CENPP: variants seen among roughly 807,000 people sequenced by gnomAD.
CENPP encodes centromere protein P.
In CENPP, 24 loss-of-function variants were observed where a neutral mutation model predicts 35.6. That is an observed-to-expected ratio of 0.67 (90% confidence interval 0.49 to 0.95). CENPP has a LOEUF of 0.95. Ranked by LOEUF, CENPP falls within the 40% of genes least tolerant of loss-of-function variation. CENPP has a pLI of 0.00. For synonymous variants in CENPP, 120 were observed against 125.5 expected, an observed-to-expected ratio of 0.96 and a Z score of 0.29; for missense variants, 332 against 345.3, an observed-to-expected ratio of 0.96 and a Z score of 0.31.
At position 92,386,086 on chromosome 9, in the gene CENPP, G is replaced by C. The variant is rs548590107; in HGVS notation, c.564+6227G>C. On this transcript the variant is annotated intron_variant, in intron 5 of 7. Coordinates refer to ENST00000375587, the MANE Select transcript of CENPP (RefSeq NM_001012267.3). ...TGATAGGCAGACATTTAGCTATCAC[G>C]CTACTACAGTGATCTAACCAAAATT... 5.4e-6 allele frequency: 4 copies of C among 747,306 alleles called. No homozygotes were observed. In the African/African-American group the frequency reaches 7.1e-5, roughly 13 times the overall value. 46.3% of individuals were successfully genotyped at this position (747,306 alleles called of 1,614,324 possible).
At chr9:92,547,962 G>GA (rs1424154749) in intron 5 of CENPP, among the ~76,000 whole-genome samples, 2 of 152,012 alleles carry the variant, frequency 1.3e-5, no homozygotes, top group African/African-American at 4.8e-5. Context: ...TTTCTTATGG[G>GA]AAAAAAGAAG....
chr9:92,528,259 C>T (rs1214423591), intron 5 of CENPP, among the ~76,000 whole-genome samples: 1 of 152,152 alleles, frequency 6.6e-6, no homozygotes, highest in Non-Finnish European at 1.5e-5. Context: ...AAATCAAATG[C>T]CCGGAGAGAC....
At chr9:92,532,501 G>A (rs1168755971) in intron 5 of CENPP, among the ~76,000 whole-genome samples, 1 of 151,704 alleles carries the variant, frequency 6.6e-6, no homozygotes, top group Non-Finnish European at 1.5e-5. Flanking sequence ...TGTCTTTAAT[G>A]TCACTTTCCC....
chr9:92,450,392 A>G (rs1844674048), intron 5 of CENPP, among the ~76,000 whole-genome samples: 1 of 151,852 alleles, frequency 6.6e-6, no homozygotes, highest in African/African-American at 2.4e-5. Flanking sequence ...GATGATTTCC[A>G]GTTTCATCCA....
At chr9:92,601,638 C>T (rs377334428) in intron 5 of CENPP, among the ~76,000 whole-genome samples, 15 of 152,184 alleles carry the variant, frequency 9.9e-5, no homozygotes, top group African/African-American at 3.1e-4. Context: ...TAAATGACTG[C>T]GTTGTGTCAG....
At chr9:92,460,584 T>A (rs1429899299) in intron 5 of CENPP, 2 of 1,403,460 alleles carry the variant, frequency 1.4e-6, no homozygotes, top group East Asian at 4.6e-5. Flanking sequence ...AGAAGAGAAA[T>A]ATATATGTTA....
chr9:92,412,913 G>A (rs1428674292), intron 5 of CENPP, among the ~76,000 whole-genome samples: 1 of 147,080 alleles, frequency 6.8e-6, no homozygotes, highest in African/African-American at 2.5e-5. Context: ...GTGTGAACAT[G>A]TGTGTTCAGT....
intron 5 of CENPP, among the ~76,000 whole-genome samples, chr9:92,427,452 C>T (rs555470711): frequency 4.8e-4 from 73 of 151,052 alleles, no homozygotes; most frequent in African/African-American, 1.0e-3. Context: ...CATGAGCCAC[C>T]GCAGCTGGCT....
At chr9:92,393,092 C>G (rs778334512) in intron 5 of CENPP, 1 of 1,612,838 alleles carries the variant, frequency 6.2e-7, no homozygotes, top group South Asian at 1.1e-5. Flanking sequence ...TTACGTATGT[C>G]TGCAAAATCT....
rs1424985121 is a variant in CENPP, at chr9:92,539,345, T to TCCCCCAC, written c.565-71958_565-71952dup. 6.3e-5 allele frequency among the ~76,000 whole-genome samples: 7 copies of TCCCCCAC among 111,904 alleles called. No individual in the cohort carries two copies. The East Asian group carries it at 2.1e-3, about 34-fold the overall frequency. The allele number at this position is 111,904 out of a possible 152,430, so 73.4% of individuals were successfully genotyped here. ...CCAGGTTTCTCCCGCCTTCCCCCGC[T>TCCCCCAC]CCCCCACCCCCCACCCCAACCCACT... On this transcript the variant is annotated intron_variant, in intron 5 of 7. Transcript: ENST00000375587.
intron 5 of CENPP, chr9:92,403,413 C>G: frequency 4.4e-6 from 7 of 1,589,262 alleles, no homozygotes; most frequent in Non-Finnish European, 6.0e-6. Context: ...TTCATTTTAG[C>G]AAAAATCAAG....
intron 5 of CENPP, among the ~76,000 whole-genome samples, chr9:92,427,555 A>G (rs1843999173): frequency 6.6e-6 from 1 of 152,120 alleles, no homozygotes; most frequent in African/African-American, 2.4e-5. Flanking sequence ...ATCTTGGCCC[A>G]CTGTACCCTC....
chr9:92,475,304 A>G (rs1845676337), intron 5 of CENPP, among the ~76,000 whole-genome samples: 2 of 152,180 alleles, frequency 1.3e-5, no homozygotes, highest in African/African-American at 2.4e-5. Flanking sequence ...GCTTGCAAAG[A>G]CACTTTTAAA....
At chr9:92,561,841 A>T (rs1849854845) in intron 5 of CENPP, among the ~76,000 whole-genome samples, 1 of 152,180 alleles carries the variant, frequency 6.6e-6, no homozygotes, top group South Asian at 2.1e-4. Context: ...TGGCTGCCAG[A>T]TGCCTGGTTC....
intron 5 of CENPP, among the ~76,000 whole-genome samples, chr9:92,435,592 C>G (rs1262458855): frequency 6.6e-6 from 1 of 152,120 alleles, no homozygotes; most frequent in Admixed American, 6.6e-5. Flanking sequence ...CATCTTTAAA[C>G]CCTAGCAAAA....
intron 5 of CENPP, among the ~76,000 whole-genome samples, chr9:92,543,514 A>T (rs1389094692): frequency 6.9e-6 from 1 of 145,224 alleles, no homozygotes; most frequent in African/African-American, 2.6e-5. Context: ...TGCATTAGCT[A>T]TTCAGGGTCT....
At chr9:92,551,930 T>TATATATATATATATATATATATG (rs1849598772) in intron 5 of CENPP, among the ~76,000 whole-genome samples, 3 of 69,530 alleles carry the variant, frequency 4.3e-5, no homozygotes, top group African/African-American at 2.7e-4. Context: ...TGTGTGTATA[T>TATATATATATATATATATATATG]ATATATATAT....
intron 5 of CENPP, among the ~76,000 whole-genome samples, chr9:92,570,350 C>A (rs899553035): frequency 6.6e-6 from 1 of 152,094 alleles, no homozygotes; most frequent in Non-Finnish European, 1.5e-5. Flanking sequence ...TGGTTTTTGT[C>A]TTTAGTTCTG....
At chr9:92,609,429 C>T (rs573284189) in intron 5 of CENPP, among the ~76,000 whole-genome samples, 1 of 152,352 alleles carries the variant, frequency 6.6e-6, no homozygotes, top group East Asian at 1.9e-4. Flanking sequence ...AGCCTGCTCC[C>T]TTGCCTTGTG....
Sources: gnomAD v4.1 joint callset for allele counts (sites outside exome capture counted in the v4.1 genomes callset) on GRCh38, gnomAD v4.1.1 for gene constraint, MANE v1.5 for transcripts, NCBI Gene and HGNC (gene_info 2026-07-23, HGNC 2026-07-21) for gene names.